The following INPP4B variants were observed in gnomAD, a reference collection of about 807,000 sequenced individuals.
INPP4B encodes inositol polyphosphate-4-phosphatase type II B, also known as inositol polyphosphate 4-phosphatase type II.
Under a neutral mutation model 122.5 loss-of-function variants are expected in INPP4B, and 55 were observed. That is an observed-to-expected ratio of 0.45 (90% CI 0.36 to 0.56). The LOEUF (loss-of-function observed/expected upper bound fraction) is 0.56, where lower values mean the gene tolerates loss of function less well. Among genes scored for constraint, INPP4B ranks in the 20% least tolerant of loss-of-function variants. The pLI, the probability that INPP4B is intolerant of heterozygous loss-of-function variation, is 0.00. For missense variants in INPP4B, 1,000 were observed against 1,097.7 expected (o/e 0.91, Z 1.26); for synonymous variants, 403 against 388.7 (o/e 1.04, Z -0.43).
chr4:142,577,755 T>C (rs1485299054), intron 2 of INPP4B, among the ~76,000 whole-genome samples: 1 of 151,994 alleles, frequency 6.6e-6, no homozygotes, highest in African/African-American at 2.4e-5. Flanking sequence ...ACTTAATAAA[T>C]GCTGGCTTTT....
chr4:142,816,116 C>T (rs1449824838), intron 1 of INPP4B, among the ~76,000 whole-genome samples: 2 of 152,162 alleles, frequency 1.3e-5, no homozygotes, highest in African/African-American at 4.8e-5. Context: ...TCTTCTGCTT[C>T]TCTTCCTAGC....
intron 15 of INPP4B, among the ~76,000 whole-genome samples, chr4:142,189,787 G>A (rs529415991): frequency 6.6e-6 from 1 of 152,298 alleles, no homozygotes; most frequent in South Asian, 2.1e-4. Flanking sequence ...TGGGTGATGA[G>A]GGTAGACACT....
intron 1 of INPP4B, among the ~76,000 whole-genome samples, chr4:142,773,008 T>G (rs1414455005): frequency 6.6e-6 from 1 of 152,048 alleles, no homozygotes; most frequent in African/African-American, 2.4e-5. Flanking sequence ...ATTGCACCAC[T>G]ACACTCCAGC....
At chr4:142,030,214 G>A (rs1738917535) in intron 25 of INPP4B, 2 of 1,535,518 alleles carry the variant, frequency 1.3e-6, no homozygotes. Context: ...AAGGCGACAG[G>A]ATAGAAGTGT....
At chr4:142,775,695 A>G (rs534896221) in intron 1 of INPP4B, among the ~76,000 whole-genome samples, 1 of 152,168 alleles carries the variant, frequency 6.6e-6, no homozygotes, top group African/African-American at 2.4e-5. Context: ...TGAGTGAAAT[A>G]TCTATTTAGA....
intron 2 of INPP4B, among the ~76,000 whole-genome samples, chr4:142,599,535 C>G (rs1411188613): frequency 6.6e-6 from 1 of 152,074 alleles, no homozygotes; most frequent in African/African-American, 2.4e-5. Flanking sequence ...AAAAGTCTTC[C>G]TCTATATAAG....
intron 9 of INPP4B, among the ~76,000 whole-genome samples, chr4:142,281,384 T>G (rs2150784331): frequency 6.6e-6 from 1 of 151,520 alleles, no homozygotes; most frequent in South Asian, 2.1e-4. Flanking sequence ...ACATGAATGG[T>G]TTGTAAACAT....
At chr4:142,161,693 A>G (rs1025380918) in intron 16 of INPP4B, among the ~76,000 whole-genome samples, 3 of 151,886 alleles carry the variant, frequency 2.0e-5, no homozygotes, top group African/African-American at 7.3e-5. Context: ...CAGCATCAGC[A>G]ACTAAAGAAA....
chr4:142,251,331 C>A (rs948258758), intron 11 of INPP4B, among the ~76,000 whole-genome samples: 2 of 151,866 alleles, frequency 1.3e-5, no homozygotes, highest in Admixed American at 1.3e-4. Flanking sequence ...ACTTAATATC[C>A]CACTCAAATT....
intron 2 of INPP4B, among the ~76,000 whole-genome samples, chr4:142,689,364 G>C (rs1759827206): frequency 6.6e-6 from 1 of 152,094 alleles, no homozygotes; most frequent in Middle Eastern, 3.4e-3. Context: ...ATGTTTGTTG[G>C]GTATGGACTA....
At chr4:142,406,255 A>G (rs958014861) in intron 5 of INPP4B, among the ~76,000 whole-genome samples, 5 of 152,078 alleles carry the variant, frequency 3.3e-5, no homozygotes, top group African/African-American at 4.8e-5. Context: ...GGCTGGAGCT[A>G]TGGATGGGGG....
At chr4:142,110,974 G>C (rs1578935252) in intron 22 of INPP4B, among the ~76,000 whole-genome samples, 2 of 152,114 alleles carry the variant, frequency 1.3e-5, no homozygotes, top group East Asian at 3.9e-4. Context: ...CCGAAGAAGA[G>C]GCAATTTGGA....
intron 10 of INPP4B, 36 bp from the exon 11 acceptor site, chr4:142,260,600 AG>A: frequency 3.5e-5 from 41 of 1,178,618 alleles, no homozygotes; most frequent in Non-Finnish European, 4.9e-5. Context: ...AAAAATTTTG[AG>A]AACAATCAAA....
chr4:142,439,498 CCTT>C (rs1168795701), intron 3 of INPP4B, among the ~76,000 whole-genome samples: 3 of 152,188 alleles, frequency 2.0e-5, no homozygotes, highest in Non-Finnish European at 4.4e-5. Flanking sequence ...TATATTCCCT[CCTT>C]CATGGATTCT....
At chr4:142,560,227 T>C (rs1369898482) in intron 2 of INPP4B, among the ~76,000 whole-genome samples, 1 of 152,174 alleles carries the variant, frequency 6.6e-6, no homozygotes, top group Non-Finnish European at 1.5e-5. Flanking sequence ...GTGCCTCTCC[T>C]AAGCATGCTG....
intron 2 of INPP4B, among the ~76,000 whole-genome samples, chr4:142,527,649 T>C (rs1405995425): frequency 1.3e-5 from 2 of 152,040 alleles, no homozygotes; most frequent in Non-Finnish European, 2.9e-5. Context: ...AATTTTACTA[T>C]GTTGTAACAT....
intron 7 of INPP4B, among the ~76,000 whole-genome samples, chr4:142,372,303 A>G (rs1039378861): frequency 6.6e-6 from 1 of 152,080 alleles, no homozygotes; most frequent in Admixed American, 6.6e-5. Context: ...ATAGATACAC[A>G]CATGCAGTTA....
At chr4:142,624,429 T>C (rs1745800021) in intron 2 of INPP4B, among the ~76,000 whole-genome samples, 3 of 151,952 alleles carry the variant, frequency 2.0e-5, no homozygotes, top group African/African-American at 2.4e-5. Flanking sequence ...GTTTTTTTCT[T>C]GTAAATTTGT....
At chr4:142,483,343 A>G (rs549810196) in intron 2 of INPP4B, among the ~76,000 whole-genome samples, 5 of 152,120 alleles carry the variant, frequency 3.3e-5, no homozygotes, top group African/African-American at 1.2e-4. Flanking sequence ...TGTGCTGAAC[A>G]TTCTCAAAAA....
Sources: gnomAD v4.1 joint callset for allele counts (sites outside exome capture counted in the v4.1 genomes callset) on GRCh38, gnomAD v4.1.1 for gene constraint, MANE v1.5 for transcripts, NCBI Gene and HGNC (gene_info 2026-07-23, HGNC 2026-07-21) for gene names.